TJP2: variants seen among roughly 807,000 people sequenced by gnomAD.
TJP2 encodes the protein Friedreich ataxia region gene X104 (tight junction protein ZO-2).
TJP2 carries 91 observed loss-of-function variants against 133.1 expected under a neutral mutation model. The observed-to-expected ratio is 0.68, with a 90% confidence interval of 0.58 to 0.81. TJP2 has a LOEUF of 0.81. TJP2 is among the 40% of genes least tolerant of loss of function. The pLI, the probability that TJP2 is intolerant of heterozygous loss-of-function variation, is 0.00. For missense variants in TJP2, 1,541 were observed against 1,565.6 expected (o/e 0.98, Z 0.26); for synonymous variants, 592 against 583.4 (o/e 1.01, Z -0.21).
At chr9:69,146,129 A>G (rs1171991310) in intron 1 of TJP2, among the ~76,000 whole-genome samples, 2 of 152,190 alleles carry the variant, frequency 1.3e-5, no homozygotes, top group African/African-American at 4.8e-5. Flanking sequence ...AAATGTAGCA[A>G]TTCTTAAGAA....
At chr9:69,241,406 T>C (rs1830568210) in intron 17 of TJP2, among the ~76,000 whole-genome samples, 1 of 152,324 alleles carries the variant, frequency 6.6e-6, no homozygotes, top group Non-Finnish European at 1.5e-5. Context: ...TCATTGCCCA[T>C]CATCATCCAC....
chr9:69,253,694 C>T (rs1452837279), intron 22 of TJP2: 1 of 192,474 alleles, frequency 5.2e-6, no homozygotes, highest in Non-Finnish European at 1.1e-5. Flanking sequence ...CTCCGCCCGC[C>T]TCGGCCTCCC....
chr9:69,197,300 T>A (rs971349001), intron 1 of TJP2, among the ~76,000 whole-genome samples: 1 of 152,304 alleles, frequency 6.6e-6, no homozygotes. Flanking sequence ...GTAGCATGTG[T>A]AGATACTTTG....
At chr9:69,235,327 A>AT (rs1554665075) in intron 12 of TJP2, among the ~76,000 whole-genome samples, 2 of 144,344 alleles carry the variant, frequency 1.4e-5, no homozygotes, top group African/African-American at 2.6e-5. Context: ...TTATTTATTT[A>AT]TTATTATTTT....
chr9:69,195,597 A>G (rs1318222428), intron 1 of TJP2, among the ~76,000 whole-genome samples: 1 of 152,126 alleles, frequency 6.6e-6, no homozygotes, highest in Non-Finnish European at 1.5e-5. Context: ...GGGTTTTTGG[A>G]GGATTAATAG....
chr9:69,134,336 A>G (rs1188056158), intron 1 of TJP2, among the ~76,000 whole-genome samples: 1 of 152,198 alleles, frequency 6.6e-6, no homozygotes, highest in Non-Finnish European at 1.5e-5. Context: ...CATAAATATA[A>G]CAATTAGAGA....
chr9:69,133,379 T>G (rs10735653), intron 1 of TJP2, among the ~76,000 whole-genome samples: 138,838 of 152,154 alleles, frequency 0.91, 63,482 homozygotes, highest in East Asian at 1. Flanking sequence ...TAGCCAAGGA[T>G]AGGTGTGTAT....
Position 69,254,919 on chromosome 9 carries a change from C to A in TJP2, c.*545C>A, listed in dbSNP as rs973084791. 5.8e-6 allele frequency: 2 copies of A among 345,944 alleles called. No homozygotes were observed. Among genetic ancestry groups the A allele is most frequent in the South Asian group, 2.0e-4 (2 of 9,782 alleles). The allele number at this position is 345,944 out of a possible 1,614,324, so 21.4% of individuals were successfully genotyped here. On this transcript the variant is annotated 3_prime_UTR_variant, in exon 23 of 23. Coordinates refer to ENST00000377245, the MANE Select transcript of TJP2 (RefSeq NM_004817.4). ...AAAACATTTTGACTAAGTTTTTATA[C>A]CAGCTTAATAGCTGTAGTTTTCCCT...
rs144546150 is a variant in TJP2, at chr9:69,194,666, T to A, written c.61-17882T>A. 5.9e-5 allele frequency among the ~76,000 whole-genome samples: 9 copies of A among 152,292 alleles called. No individual in the cohort carries two copies. The East Asian group carries it at 1.7e-3, about 29-fold the overall frequency. On this transcript the variant is annotated intron_variant, in intron 1 of 22. Coordinates refer to ENST00000377245, the MANE Select transcript of TJP2 (RefSeq NM_004817.4). ...GGTAGAAACTTCTGTTGGAGAGTAC[T>A]GCTAGACAGGTGCTTCTCAAACATT... is the stretch of plus-strand genomic sequence containing the variant.
intron 11 of TJP2, among the ~76,000 whole-genome samples, 189 bp downstream of exon 11, chr9:69,230,421 A>T (rs543496810): frequency 6.6e-6 from 1 of 152,112 alleles, no homozygotes; most frequent in African/African-American, 2.4e-5. Flanking sequence ...GGAACCCAGA[A>T]CTCATCCATG....
intron 17 of TJP2, among the ~76,000 whole-genome samples, chr9:69,240,465 T>G (rs1830504484): frequency 6.6e-6 from 1 of 152,224 alleles, no homozygotes; most frequent in Admixed American, 6.5e-5. Flanking sequence ...CTCTAGAGAT[T>G]GTGTCATTGT....
At chr9:69,240,807 GAA>G (rs533997251) in intron 17 of TJP2, among the ~76,000 whole-genome samples, 1 of 140,070 alleles carries the variant, frequency 7.1e-6, no homozygotes, top group Non-Finnish European at 1.6e-5. Flanking sequence ...TCTCTTCAAA[GAA>G]AAAAAAAAAA....
chr9:69,187,944 G>C (rs1432087868), intron 1 of TJP2, among the ~76,000 whole-genome samples: 1 of 152,180 alleles, frequency 6.6e-6, no homozygotes, highest in Non-Finnish European at 1.5e-5. Context: ...CCTGAAAAAA[G>C]CACTTTGCAG....
intron 1 of TJP2, among the ~76,000 whole-genome samples, chr9:69,143,828 C>A (rs1823105652): frequency 6.6e-6 from 1 of 152,138 alleles, no homozygotes; most frequent in Non-Finnish European, 1.5e-5. Context: ...AGTCACCAAA[C>A]TGTAATATAC....
intron 19 of TJP2, 138 bp from the exon 20 acceptor site, chr9:69,249,237 C>T: frequency 1.3e-5 from 19 of 1,499,306 alleles, no homozygotes; most frequent in Non-Finnish European, 1.7e-5. Context: ...TGGTTTCTGC[C>T]TGTTCAGTAA....
At chr9:69,197,679 T>G (rs1379320543) in intron 1 of TJP2, among the ~76,000 whole-genome samples, 1 of 152,208 alleles carries the variant, frequency 6.6e-6, no homozygotes, top group Non-Finnish European at 1.5e-5. Flanking sequence ...CCAGAAGCAT[T>G]ACTTTATTCA....
chr9:69,243,210 G>C (rs1169932511), intron 17 of TJP2, among the ~76,000 whole-genome samples: 1 of 152,168 alleles, frequency 6.6e-6, no homozygotes, highest in Non-Finnish European at 1.5e-5. Context: ...GCATTTTTGT[G>C]AGTTAGTAGT....
chr9:69,210,594 C>T (rs1563913324), intron 1 of TJP2, among the ~76,000 whole-genome samples: 1 of 152,068 alleles, frequency 6.6e-6, no homozygotes, highest in African/African-American at 2.4e-5. Context: ...TTACATATTT[C>T]CTTGTGTTGA....
chr9:69,223,088 A>G (rs1032290898), intron 5 of TJP2, among the ~76,000 whole-genome samples: 2 of 131,574 alleles, frequency 1.5e-5, no homozygotes. Context: ...AAAAAAAAAA[A>G]AAAGAAACCA....
Sources: gnomAD v4.1 joint callset for allele counts (sites outside exome capture counted in the v4.1 genomes callset) on GRCh38, gnomAD v4.1.1 for gene constraint, MANE v1.5 for transcripts, NCBI Gene and HGNC (gene_info 2026-07-23, HGNC 2026-07-21) for gene names.